SERPINI1: variants seen among roughly 807,000 people sequenced by gnomAD.
The protein encoded by SERPINI1 is serpin family I member 1, also known as neuroserpin.
SERPINI1 carries 19 observed loss-of-function variants against 41.1 expected under a neutral mutation model. The ratio of observed to expected loss-of-function variants is 0.46; its 90% confidence interval spans 0.32 to 0.68. The LOEUF (loss-of-function observed/expected upper bound fraction) is 0.68, where lower values mean the gene tolerates loss of function less well. SERPINI1 is among the 30% of genes least tolerant of loss of function. The pLI is 0.03. For missense variants in SERPINI1, 460 were observed against 479.2 expected (o/e 0.96, Z 0.37); for synonymous variants, 138 against 156.6 (o/e 0.88, Z 0.89).
chr3:167,750,851 G>C (rs532073045), intron 1 of SERPINI1, among the ~76,000 whole-genome samples: 1 of 152,024 alleles, frequency 6.6e-6, no homozygotes, highest in Non-Finnish European at 1.5e-5. Context: ...TATTTCTATG[G>C]AATTGTCCAT....
intron 1 of SERPINI1, among the ~76,000 whole-genome samples, chr3:167,761,509 C>T (rs1328414120): frequency 2.0e-5 from 3 of 152,100 alleles, no homozygotes; most frequent in Non-Finnish European, 4.4e-5. Context: ...GCTCATTCTA[C>T]CTTAACCCAC....
At chr3:167,793,596 A>ATATATATATATTTT in intron 4 of SERPINI1, among the ~76,000 whole-genome samples, 5 of 140,608 alleles carry the variant, frequency 3.6e-5, no homozygotes, top group African/African-American at 1.4e-4. Context: ...ATATATATAT[A>ATATATATATATTTT]TTTTTAATTA....
chr3:167,757,510 TCA>T (rs143893182), intron 1 of SERPINI1, among the ~76,000 whole-genome samples: 133 of 149,468 alleles, frequency 8.9e-4, no homozygotes, highest in Admixed American at 2.3e-3. Flanking sequence ...TCTCTCTCTC[TCA>T]CACACACACA....
chr3:167,752,624 G>C (rs1424892688), intron 1 of SERPINI1, among the ~76,000 whole-genome samples: 1 of 151,778 alleles, frequency 6.6e-6, no homozygotes, highest in African/African-American at 2.4e-5. Context: ...TTCTGCTTGA[G>C]ACTCCCCATA....
At chr3:167,779,517 T>C (rs1018404453) in intron 1 of SERPINI1, among the ~76,000 whole-genome samples, 3 of 152,222 alleles carry the variant, frequency 2.0e-5, no homozygotes, top group Admixed American at 1.3e-4. Flanking sequence ...CATGACCAGT[T>C]TTCTACAACA....
chr3:167,790,294 GCTTTAATGCTC>G (rs1727458107), intron 2 of SERPINI1, 67 bp from the exon 3 acceptor site: 4 of 1,086,220 alleles, frequency 3.7e-6, no homozygotes, highest in Non-Finnish European at 5.7e-6. Context: ...CCCTTGCTGT[GCTTTAATGCTC>G]CTCCACTCTC....
chr3:167,763,690 T>G (rs1281298938), intron 1 of SERPINI1, among the ~76,000 whole-genome samples: 1 of 152,114 alleles, frequency 6.6e-6, no homozygotes, highest in African/African-American at 2.4e-5. Context: ...ACCTGAAATA[T>G]CCGTTAAAAA....
chr3:167,736,462 C>G (rs1358480841), intron 1 of SERPINI1, among the ~76,000 whole-genome samples: 1 of 152,176 alleles, frequency 6.6e-6, no homozygotes, highest in Non-Finnish European at 1.5e-5. Flanking sequence ...CCCAGTGGCT[C>G]TGGAATATTG....
chr3:167,771,849 G>A (rs527907638), intron 1 of SERPINI1, among the ~76,000 whole-genome samples: 28 of 152,200 alleles, frequency 1.8e-4, no homozygotes, highest in Admixed American at 4.6e-4. Flanking sequence ...GTGTGTGTGC[G>A]CGCACGCGCA....
chr3:167,788,051 T>A (rs1423881063), intron 1 of SERPINI1, among the ~76,000 whole-genome samples: 1 of 152,222 alleles, frequency 6.6e-6, no homozygotes, highest in Admixed American at 6.5e-5. Flanking sequence ...TTTTAGTGAT[T>A]TTTTTAAATG....
intron 1 of SERPINI1, among the ~76,000 whole-genome samples, chr3:167,762,927 A>G (rs1726433315): frequency 1.3e-5 from 2 of 152,118 alleles, no homozygotes; most frequent in Non-Finnish European, 2.9e-5. Flanking sequence ...GTGACATTCA[A>G]TTCAAGGAGG....
chr3:167,821,480 G>A (rs1415426835), intron 6 of SERPINI1, among the ~76,000 whole-genome samples: 6 of 152,198 alleles, frequency 3.9e-5, no homozygotes, highest in African/African-American at 1.4e-4. Context: ...ATCCATGCCA[G>A]TGCCTGGAGC....
chr3:167,803,573 A>G (rs1395539167), intron 5 of SERPINI1, among the ~76,000 whole-genome samples: 1 of 152,192 alleles, frequency 6.6e-6, no homozygotes, highest in Non-Finnish European at 1.5e-5. Context: ...AGGTATTATT[A>G]TTGCCATTTT....
At chr3:167,745,449 T>A (rs1043062027) in intron 1 of SERPINI1, among the ~76,000 whole-genome samples, 2 of 151,992 alleles carry the variant, frequency 1.3e-5, no homozygotes, top group Non-Finnish European at 2.9e-5. Flanking sequence ...ATAATTTTTT[T>A]AAAAAACATA....
intron 6 of SERPINI1, among the ~76,000 whole-genome samples, chr3:167,813,864 A>T (rs940563484): frequency 6.6e-6 from 1 of 152,012 alleles, no homozygotes; most frequent in African/African-American, 2.4e-5. Context: ...AAGCATGGGG[A>T]CTTCTCTCAT....
In SERPINI1 at chr3:167,789,227, G is replaced by T. The variant is rs1473510249; in HGVS notation, c.99G>T (p.Met33Ile). The change falls in exon 2 of 9, where the codon ATG becomes ATT. Residue 33 changes from methionine (M) to isoleucine (I), a missense_variant. Coordinates refer to ENST00000446050, the MANE Select transcript of SERPINI1 (RefSeq NM_001122752.2). ...CCATTGCTGACTTGTCAGTGAATAT[G>T]TATAATCGTCTTAGAGCCACTGGTG... Reference protein sequence around the residue: ...EEAIADLSVNMYNRLRATGED... With the variant: ...EEAIADLSVNIYNRLRATGED... 2 of 1,614,046 alleles carry T rather than the reference G, an allele frequency of 1.2e-6. No individual in the cohort carries two copies. The highest frequency in any genetic ancestry group is 1.7e-6 in the Non-Finnish European group (2 of 1,180,030).
At chr3:167,802,768 C>T (rs2108564618) in intron 5 of SERPINI1, among the ~76,000 whole-genome samples, 1 of 148,378 alleles carries the variant, frequency 6.7e-6, no homozygotes, top group Non-Finnish European at 1.5e-5. Flanking sequence ...CCAGCCATCC[C>T]ATTACTGGGT....
In SERPINI1 at chr3:167,749,281, TA is replaced by T. The variant is rs531039246; in HGVS notation, c.-19+13460del. 2.9e-3 allele frequency among the ~76,000 whole-genome samples: 448 copies of T among 151,942 alleles called. 2 individuals are homozygous for T. Among genetic ancestry groups the T allele is most frequent in the African/African-American group, 0.011 (437 of 41,216 alleles). ...GTTCCTTTTATGTCTTACCTTACCC[TA>T]ATGGGAACATTTTATTTTTTGGTTT... On this transcript the variant is annotated intron_variant, in intron 1 of 8. Coordinates refer to ENST00000446050, the MANE Select transcript of SERPINI1 (RefSeq NM_001122752.2).
chr3:167,754,897 C>A (rs1290027299), intron 1 of SERPINI1, among the ~76,000 whole-genome samples: 1 of 152,172 alleles, frequency 6.6e-6, no homozygotes, highest in Non-Finnish European at 1.5e-5. Context: ...TGGATCCCTG[C>A]TAGCACTTTT....
Sources: gnomAD v4.1 joint callset for allele counts (sites outside exome capture counted in the v4.1 genomes callset) on GRCh38, gnomAD v4.1.1 for gene constraint, MANE v1.5 for transcripts, NCBI Gene and HGNC (gene_info 2026-07-23, HGNC 2026-07-21) for gene names.